The following C12orf60 variants were observed in gnomAD, a reference collection of about 807,000 sequenced individuals.
The protein encoded by C12orf60 is chromosome 12 open reading frame 60.
For missense variants in C12orf60, 284 were observed against 283.2 expected (o/e 1.00, Z -0.02); for synonymous variants, 102 against 94.6 (o/e 1.08, Z -0.45).
In C12orf60 at chr12:14,823,463, T is replaced by C; in HGVS notation, c.528T>C (p.Pro176=). 1 of 1,610,816 alleles carries C rather than the reference T, an allele frequency of 6.2e-7. No homozygotes were observed. The highest frequency in any genetic ancestry group is 8.5e-7 in the Non-Finnish European group (1 of 1,179,288). The change falls in exon 2 of 2, where the codon CCT becomes CCC. Residue 176 remains proline, a synonymous_variant. Coordinates refer to ENST00000330828, the MANE Select transcript of C12orf60 (RefSeq NM_175874.4). ...CCACATCTGAGAGAACCAGAAGTCC[T>C]CCAGGTTCTTCCAAAACCACTATGA... ...DVTTSERTRS[P]PGSSKTTMID...
intron 1 of C12orf60, among the ~76,000 whole-genome samples, chr12:14,813,725 C>T (rs1950176284): frequency 6.6e-6 from 1 of 152,116 alleles, no homozygotes; most frequent in South Asian, 2.1e-4. Flanking sequence ...TTAGATTCCA[C>T]ATTCATTCTT....
intron 1 of C12orf60, among the ~76,000 whole-genome samples, chr12:14,807,705 A>G (rs964331972): frequency 3.3e-5 from 5 of 152,190 alleles, no homozygotes; most frequent in African/African-American, 1.2e-4. Context: ...GGGAGAAGGT[A>G]GGCACTATAC....
intron 1 of C12orf60, among the ~76,000 whole-genome samples, chr12:14,820,729 A>G (rs559362549): frequency 4.2e-4 from 64 of 152,136 alleles, no homozygotes; most frequent in African/African-American, 1.2e-3. Flanking sequence ...GGAATTTTTA[A>G]TTGGAATTGT....
rs1358310298 is a variant in C12orf60, at chr12:14,806,542, A to G, written c.-25+2791A>G. 1.9e-6 allele frequency: 3 copies of G among 1,613,988 alleles called. No homozygotes were observed. The African/African-American group carries it at 4.0e-5, about 22-fold the overall frequency. On this transcript the variant is annotated intron_variant, in intron 1 of 1. Transcript: ENST00000330828. ...TCAATGGAGGCCAGCCTGCACCCCA[A>G]GTGCATATTTAGAACCTCAGTCAGC...
At chr12:14,804,040 G>A (rs974516807) in intron 1 of C12orf60, among the ~76,000 whole-genome samples, 1 of 152,234 alleles carries the variant, frequency 6.6e-6, no homozygotes, top group Non-Finnish European at 1.5e-5. Context: ...AAATAAATTA[G>A]CACCCGTATT....
chr12:14,809,905 G>T (rs1017290279), intron 1 of C12orf60, among the ~76,000 whole-genome samples: 1 of 152,166 alleles, frequency 6.6e-6, no homozygotes, highest in African/African-American at 2.4e-5. Flanking sequence ...GGTGGGAAAA[G>T]TTCAGTCTTA....
At chr12:14,816,835 C>T (rs1441800233) in intron 1 of C12orf60, among the ~76,000 whole-genome samples, 3 of 151,184 alleles carry the variant, frequency 2.0e-5, no homozygotes, top group Non-Finnish European at 4.4e-5. Context: ...TCCTCCGCCT[C>T]CCAGGTTCAA....
chr12:14,817,051 A>G (rs936099746), intron 1 of C12orf60, among the ~76,000 whole-genome samples: 2 of 152,070 alleles, frequency 1.3e-5, no homozygotes, highest in Admixed American at 6.5e-5. Flanking sequence ...TAAATCTAAG[A>G]ATATATGAGC....
At chr12:14,812,293 A>G (rs1393021948) in intron 1 of C12orf60, among the ~76,000 whole-genome samples, 1 of 152,152 alleles carries the variant, frequency 6.6e-6, no homozygotes, top group Non-Finnish European at 1.5e-5. Context: ...AAATACAAAA[A>G]ATTAGCCGGG....
At position 14,823,248 on chromosome 12, in the gene C12orf60, G is replaced by A. The variant is rs571394631; in HGVS notation, c.313G>A (p.Glu105Lys). The change falls in exon 2 of 2, where the codon GAG (glutamate) becomes AAG (lysine). Residue 105 changes from glutamate to lysine, a missense_variant. Transcript: ENST00000330828. The part of the protein sequence containing the change: ...CSVVQKSTNV[E>K]ELHQSAKEVF... Reference sequence around the variant, plus strand: ...TGTGGTTCAGAAGAGTACCAATGTAGAGGAGTTGCATCAGTCAGCTAAAGA... The same window carrying A: ...TGTGGTTCAGAAGAGTACCAATGTAAAGGAGTTGCATCAGTCAGCTAAAGA... The A allele has an allele frequency of 4.5e-5, 72 of 1,614,098 alleles. 2 individuals are homozygous for A. In the South Asian group the frequency reaches 7.6e-4, roughly 17 times the overall value.
chr12:14,812,569 T>C (rs1353451413), intron 1 of C12orf60, among the ~76,000 whole-genome samples: 5 of 152,332 alleles, frequency 3.3e-5, no homozygotes, highest in Middle Eastern at 3.4e-3. Context: ...AGATTTTTTT[T>C]CCTCCATTAT....
intron 1 of C12orf60, among the ~76,000 whole-genome samples, chr12:14,813,486 AT>A (rs1950171927): frequency 6.6e-6 from 1 of 152,274 alleles, no homozygotes; most frequent in South Asian, 2.1e-4. Context: ...ATATAAATTC[AT>A]TTAAAAAATG....
At chr12:14,805,763 G>A (rs1565677922) in intron 1 of C12orf60, 1 of 493,042 alleles carries the variant, frequency 2.0e-6, no homozygotes, top group Non-Finnish European at 3.6e-6. Context: ...AGCAGGGTGT[G>A]AAAACATCCA....
At chr12:14,812,088 TATC>T (rs939116960) in intron 1 of C12orf60, among the ~76,000 whole-genome samples, 1 of 152,254 alleles carries the variant, frequency 6.6e-6, no homozygotes, top group Non-Finnish European at 1.5e-5. Context: ...TTCACAAAGT[TATC>T]ATAATAGTAT....
intron 1 of C12orf60, among the ~76,000 whole-genome samples, chr12:14,822,623 C>A (rs1376713390): frequency 6.6e-6 from 1 of 152,134 alleles, no homozygotes; most frequent in Non-Finnish European, 1.5e-5. Flanking sequence ...AGGGTAGTAT[C>A]CTTGAGTGTA....
intron 1 of C12orf60, among the ~76,000 whole-genome samples, chr12:14,819,650 C>A (rs892361880): frequency 6.6e-6 from 1 of 151,996 alleles, no homozygotes; most frequent in African/African-American, 2.4e-5. Flanking sequence ...TTTGTAAGAG[C>A]CCTCTATGAT....
At chr12:14,806,521 T>G (rs1164345840) in intron 1 of C12orf60, 1 of 1,614,030 alleles carries the variant, frequency 6.2e-7, no homozygotes, top group East Asian at 2.2e-5. Context: ...TTCATCTCAA[T>G]GGAGGCCAGC....
intron 1 of C12orf60, among the ~76,000 whole-genome samples, chr12:14,811,321 C>T (rs1436073322): frequency 6.6e-6 from 1 of 152,160 alleles, no homozygotes; most frequent in African/African-American, 2.4e-5. Context: ...TCTGGGTCTC[C>T]CATTTTTCAC....
At chr12:14,821,285 A>G (rs1250154953) in intron 1 of C12orf60, among the ~76,000 whole-genome samples, 2 of 152,136 alleles carry the variant, frequency 1.3e-5, no homozygotes, top group African/African-American at 4.8e-5. Context: ...AAATTACCTC[A>G]CACTTAGTGA....
Sources: allele counts gnomAD v4.1 joint callset (sites outside exome capture counted in the v4.1 genomes callset), GRCh38; gene constraint gnomAD v4.1.1; transcripts MANE v1.5; gene names NCBI Gene and HGNC (gene_info 2026-07-23, HGNC 2026-07-21).